UGT1A4: variants seen among roughly 807,000 people sequenced by gnomAD.
The protein encoded by UGT1A4 is UDP glucuronosyltransferase family 1 member A4.
Under a neutral mutation model 41.1 loss-of-function variants are expected in UGT1A4, and 32 were observed. The observed-to-expected ratio is 0.78, with a 90% CI of 0.59 to 1.05. The LOEUF (loss-of-function observed/expected upper bound fraction) is 1.05, where lower values mean the gene tolerates loss of function less well. Among genes scored for constraint, UGT1A4 ranks in the 50% least tolerant of loss-of-function variants. UGT1A4 has a pLI of 0.00. For missense variants in UGT1A4, 748 were observed against 677.4 expected (o/e 1.10, Z -1.16); for synonymous variants, 283 against 265.1 (o/e 1.07, Z -0.66).
chr2:233,725,129 T>C (rs1238705631), intron 1 of UGT1A4, among the ~76,000 whole-genome samples: 2 of 136,286 alleles, frequency 1.5e-5, no homozygotes, highest in Non-Finnish European at 3.1e-5. Flanking sequence ...TGAGCCGAGA[T>C]GGCAGCAGTA....
In UGT1A4 at chr2:233,769,857, CAA is replaced by C. The variant is rs879204025; in HGVS notation, c.1307+1434_1307+1435del. The C allele has an allele frequency of 0.032, 7,144 of 220,908 alleles. No individual in the cohort carries two copies. The highest frequency in any genetic ancestry group is 0.048 in the South Asian group (428 of 8,924). The allele number at this position is 220,908 out of a possible 1,614,324, so 13.7% of individuals were successfully genotyped here. Reference sequence around the variant, plus strand: ...TGGGCAACAGAGTGAGACCCTGTCTCAAAAAAAAAAAAAAAAATGAAAAGTCC... The same window carrying C: ...TGGGCAACAGAGTGAGACCCTGTCTCAAAAAAAAAAAAAAATGAAAAGTCC... On this transcript the variant is annotated intron_variant, in intron 4 of 4. Transcript: ENST00000373409. The surrounding 1 kb of genome is among the most constrained non-coding windows in gnomAD (Gnocchi z 4.4).
intron 1 of UGT1A4, chr2:233,743,526 C>T (rs1373846752): frequency 7.3e-7 from 1 of 1,367,230 alleles, no homozygotes; most frequent in Admixed American, 1.9e-5. Flanking sequence ...TTCTGCTTCC[C>T]CAGCAGTTCC....
chr2:233,754,247 A>G (rs1695429066), intron 1 of UGT1A4: 1 of 170,702 alleles, frequency 5.9e-6, no homozygotes, highest in Admixed American at 5.5e-5. Context: ...CACTTTCCCA[A>G]CGGAAAAAGG....
chr2:233,762,377 A>G (rs182919265), intron 1 of UGT1A4, among the ~76,000 whole-genome samples: 1 of 152,252 alleles, frequency 6.6e-6, no homozygotes, highest in African/African-American at 2.4e-5. Context: ...ACCAATATGT[A>G]TATAGAAACA....
At chr2:233,766,476 A>G (rs893882112) in intron 1 of UGT1A4, among the ~76,000 whole-genome samples, 2 of 152,172 alleles carry the variant, frequency 1.3e-5, no homozygotes, top group African/African-American at 2.4e-5. Flanking sequence ...TTATAGGCAC[A>G]TGATGGGGGC....
chr2:233,761,175 ACATG>A lies in UGT1A4; in HGVS notation c.868-5857_868-5854del, dbSNP rs768058244. The A allele has an allele frequency of 9.3e-6, 15 of 1,614,212 alleles. No homozygotes were observed. In the African/African-American group the frequency reaches 1.9e-4, roughly 20 times the overall value. On this transcript the variant is annotated intron_variant, in intron 1 of 4. Coordinates refer to ENST00000373409, the MANE Select transcript of UGT1A4 (RefSeq NM_007120.3). ...AGGTGTGTATTGGAGTGGGACTTTT[ACATG>A]CGTATATTCTTTCAGATGTATTACT... is the stretch of plus-strand genomic sequence containing the variant.
intron 1 of UGT1A4, among the ~76,000 whole-genome samples, chr2:233,727,254 C>A (rs2077597251): frequency 6.6e-6 from 1 of 152,146 alleles, no homozygotes; most frequent in Admixed American, 6.5e-5. Flanking sequence ...CTGTGCAGCC[C>A]AGACCCCTCC....
intron 1 of UGT1A4, among the ~76,000 whole-genome samples, chr2:233,744,523 C>A (rs2125863777): frequency 6.6e-6 from 1 of 152,020 alleles, no homozygotes; most frequent in Non-Finnish European, 1.5e-5. Context: ...AATAGCAAAT[C>A]TTATTTTTAT....
In UGT1A4 at chr2:233,755,218, C is replaced by T. The variant is rs1203897935; in HGVS notation, c.868-11816C>T. 1.4e-5 allele frequency: 14 copies of T among 1,027,208 alleles called. No individual in the cohort carries two copies. In the South Asian group the frequency reaches 1.5e-4, roughly 11 times the overall value. 63.6% of individuals were successfully genotyped at this position (1,027,208 alleles called of 1,614,324 possible). ...AGCTTGCGGTACGCCTTCTTGATACCCTCGGACGAGGCCTACCGGGGTACT... is the reference window on the plus strand; with the variant it reads ...AGCTTGCGGTACGCCTTCTTGATACTCTCGGACGAGGCCTACCGGGGTACT... On this transcript the variant is annotated intron_variant, in intron 1 of 4. Transcript: ENST00000373409.
At chr2:233,735,705 G>A (rs1237070783) in intron 1 of UGT1A4, among the ~76,000 whole-genome samples, 2 of 151,900 alleles carry the variant, frequency 1.3e-5, no homozygotes, top group African/African-American at 2.4e-5. Flanking sequence ...GGCAGGCCTG[G>A]TGGTGACAAA....
At chr2:233,729,018 A>G in intron 1 of UGT1A4, 6 of 1,591,202 alleles carry the variant, frequency 3.8e-6, no homozygotes, top group Non-Finnish European at 5.1e-6. Context: ...TCTTCCAATT[A>G]CACGTTGATT....
chr2:233,727,261 C>T (rs1322887481), intron 1 of UGT1A4, among the ~76,000 whole-genome samples: 2 of 152,146 alleles, frequency 1.3e-5, no homozygotes, highest in African/African-American at 4.8e-5. Flanking sequence ...GCCCAGACCC[C>T]TCCTCATCTC....
At chr2:233,723,204 CA>C (rs978945300) in intron 1 of UGT1A4, among the ~76,000 whole-genome samples, 1 of 125,334 alleles carries the variant, frequency 8.0e-6, no homozygotes, top group African/African-American at 3.4e-5. Context: ...TAAAAAAAGT[CA>C]AAACTGACTT....
At chr2:233,753,145 T>C (rs1695138672) in intron 1 of UGT1A4, 1 of 152,202 alleles carries the variant, frequency 6.6e-6, no homozygotes, top group Non-Finnish European at 1.5e-5. Flanking sequence ...TCTTCACACA[T>C]GTAAGTTCCC....
chr2:233,747,400 C>A (rs1293984424), intron 1 of UGT1A4: 3 of 1,606,860 alleles, frequency 1.9e-6, no homozygotes, highest in Non-Finnish European at 2.6e-6. Flanking sequence ...GTCCTCACCC[C>A]AGAGGTGAAT....
rs762624701 is a variant in UGT1A4 at position 233,719,408 on chromosome 2, G to A, written c.588G>A (p.Lys196=). The part of the protein sequence containing the change: ...QCPNPSSYIP[K]LLTTNSDHMT... ...CAAATCCTTCCTCCTATATTCCTAA[G>A]TTACTAACGACCAATTCAGACCACA... The change falls in exon 1 of 5, where the codon AAG becomes AAA. Residue 196 remains lysine, a synonymous_variant. Transcript: ENST00000373409. 11 of 1,613,826 alleles carry A rather than the reference G, an allele frequency of 6.8e-6. No homozygotes were observed. The highest frequency in any genetic ancestry group is 5.3e-5 in the African/African-American group (4 of 74,894).
At chr2:233,740,898 G>T (rs1431313785) in intron 1 of UGT1A4, 2 of 148,128 alleles carry the variant, frequency 1.4e-5, no homozygotes, top group Non-Finnish European at 3.0e-5. Context: ...CAACATAGTA[G>T]GTCAACATTG....
At chr2:233,765,419 T>G (rs970448073) in intron 1 of UGT1A4, among the ~76,000 whole-genome samples, 3 of 152,166 alleles carry the variant, frequency 2.0e-5, no homozygotes, top group Non-Finnish European at 4.4e-5. Context: ...TGGAATACTA[T>G]GCAGCCATAA....
chr2:233,732,853 A>T (rs1238557082), intron 1 of UGT1A4, among the ~76,000 whole-genome samples: 1 of 149,098 alleles, frequency 6.7e-6, no homozygotes, highest in Admixed American at 6.8e-5. Flanking sequence ...TTGTGAAGTC[A>T]TTGGTAGCTT....
Sources: allele counts gnomAD v4.1 joint callset (sites outside exome capture counted in the v4.1 genomes callset), GRCh38; gene constraint gnomAD v4.1.1; non-coding constraint Gnocchi (gnomAD v3.1); transcripts MANE v1.5; gene names NCBI Gene and HGNC (gene_info 2026-07-23, HGNC 2026-07-21).